IQCH: variants seen among roughly 807,000 people sequenced by gnomAD.
IQCH encodes IQ motif containing H.
A neutral mutation model predicts 117.0 loss-of-function variants in IQCH; 98 were observed. The ratio of observed to expected loss-of-function variants is 0.84; its 90% CI spans 0.71 to 0.99. The LOEUF is 0.99. Among genes scored for constraint, IQCH ranks in the 50% least tolerant of loss-of-function variants. The pLI, the probability that IQCH is intolerant of heterozygous loss-of-function variation, is 0.00. For missense variants in IQCH, 1,102 were observed against 1,243.8 expected (o/e 0.89, Z 1.72); for synonymous variants, 412 against 448.2 (o/e 0.92, Z 1.02).
chr15:67,492,756 C>T (rs191747470), intron 19 of IQCH, among the ~76,000 whole-genome samples: 1 of 152,156 alleles, frequency 6.6e-6, no homozygotes, highest in East Asian at 1.9e-4. Context: ...AGGCAGGGTT[C>T]CTGAAGTGTG....
At chr15:67,312,602 C>T (rs1160487862) in intron 4 of IQCH, among the ~76,000 whole-genome samples, 3 of 152,114 alleles carry the variant, frequency 2.0e-5, no homozygotes, top group Non-Finnish European at 4.4e-5. Context: ...ATTACATCTT[C>T]TTGAGTTAAA....
Position 67,391,136 on chromosome 15 carries a change from G to C in IQCH, c.1632+2130G>C, listed in dbSNP as rs574807992. On this transcript the variant is annotated intron_variant, in intron 12 of 20. Transcript: ENST00000335894. The surrounding 1 kb of genome is among the most constrained non-coding windows in gnomAD (Gnocchi z 4.3). The stretch of plus-strand genomic sequence containing the variant: ...TTGCTAGTCCACTCTGGCTTCTAGT[G>C]GACTAGAAGCCAGGAGACAGGCACT... 6.6e-6 allele frequency among the ~76,000 whole-genome samples: 1 copy of C among 152,038 alleles called. No homozygotes were observed. The highest frequency in any genetic ancestry group is 2.1e-4 in the South Asian group (1 of 4,822).
Position 67,395,594 on chromosome 15 carries a change from C to T in IQCH, c.1905+31C>T. The T allele has an allele frequency of 6.3e-7, 1 of 1,597,692 alleles. No individual in the cohort carries two copies. Among genetic ancestry groups the T allele is most frequent in the South Asian group, 1.1e-5 (1 of 89,468 alleles). On this transcript the variant is annotated intron_variant, in intron 13 of 20. Coordinates refer to ENST00000335894, the MANE Select transcript of IQCH (RefSeq NM_001031715.3). The surrounding 1 kb of genome is among the most constrained non-coding windows in gnomAD (Gnocchi z 4.0). ...TGGGGTGGACAAGTGAAGCTCTGTT[C>T]AAATATTTGAAACATCCTCTTGATC...
Position 67,483,031 on chromosome 15 carries a change from T to G in IQCH, c.2800-6972T>G, listed in dbSNP as rs2083380043. On this transcript the variant is annotated intron_variant, in intron 18 of 20. Transcript: ENST00000335894. The stretch of plus-strand genomic sequence containing the variant: ...TAAGCCTTTCATTTCTGTTGTTTCC[T>G]CTGGATAAGGGCTAAGAACACTCCT... 2.0e-5 allele frequency among the ~76,000 whole-genome samples: 3 copies of G among 152,216 alleles called. No homozygotes were observed. In the South Asian group the frequency reaches 6.2e-4, roughly 32 times the overall value.
intron 4 of IQCH, among the ~76,000 whole-genome samples, chr15:67,324,925 T>G (rs970830692): frequency 3.3e-5 from 5 of 152,080 alleles, no homozygotes; most frequent in Non-Finnish European, 7.4e-5. Flanking sequence ...GTTCATCGTA[T>G]GAGTTTCTAG....
intron 4 of IQCH, among the ~76,000 whole-genome samples, chr15:67,295,728 T>C (rs1009718596): frequency 1.3e-5 from 2 of 152,230 alleles, no homozygotes; most frequent in African/African-American, 4.8e-5. Flanking sequence ...CCTAACTAAA[T>C]GCATCAGTCT....
Position 67,387,751 on chromosome 15 carries a change from C to A in IQCH, c.1457-1080C>A, listed in dbSNP as rs1218311334. On this transcript the variant is annotated intron_variant, in intron 11 of 20. Coordinates refer to ENST00000335894, the MANE Select transcript of IQCH (RefSeq NM_001031715.3). The surrounding 1 kb of genome is among the most constrained non-coding windows in gnomAD (Gnocchi z 4.8). ...TTTAATAGTGTCTAAAACTCTATGC[C>A]CCAGGTGGTTTTGTTCCCCTTTTTA... Among the ~76,000 whole-genome samples, 5 of 152,100 alleles carry A rather than the reference C, an allele frequency of 3.3e-5. No individual in the cohort carries two copies. The highest frequency in any genetic ancestry group is 4.8e-5 in the African/African-American group (2 of 41,424).
In IQCH at chr15:67,472,898, C is replaced by T. The variant is rs1057348920; in HGVS notation, c.2677-2798C>T. Among the ~76,000 whole-genome samples, 3 of 152,188 alleles carry T rather than the reference C, an allele frequency of 2.0e-5. No individual in the cohort carries two copies. Among genetic ancestry groups the T allele is most frequent in the Admixed American group, 2.0e-4 (3 of 15,284 alleles). On this transcript the variant is annotated intron_variant, in intron 17 of 20. Transcript: ENST00000335894. The surrounding 1 kb of genome is among the most constrained non-coding windows in gnomAD (Gnocchi z 4.3). ...GTCTGGGAGGAAGGGGAGTTGCACT[C>T]TGCATCTGTAGTGAAGAAGAAACCT...
At chr15:67,488,376 G>A (rs1294079927) in intron 18 of IQCH, among the ~76,000 whole-genome samples, 1 of 152,158 alleles carries the variant, frequency 6.6e-6, no homozygotes, top group Non-Finnish European at 1.5e-5. Flanking sequence ...GGGTTCAAAA[G>A]AGAATCCCAA....
intron 4 of IQCH, among the ~76,000 whole-genome samples, chr15:67,291,403 C>A (rs1256453988): frequency 1.3e-5 from 2 of 152,036 alleles, no homozygotes; most frequent in Admixed American, 1.3e-4. Context: ...GGGACTTCAA[C>A]AGTCATCTAA....
intron 18 of IQCH, among the ~76,000 whole-genome samples, chr15:67,478,369 A>G (rs1306257581): frequency 6.6e-6 from 1 of 151,698 alleles, no homozygotes; most frequent in African/African-American, 2.4e-5. Flanking sequence ...TGGGCCACAG[A>G]GCGAGACTCT....
chr15:67,486,100 G>A (rs1275793583), intron 18 of IQCH, among the ~76,000 whole-genome samples: 4 of 131,450 alleles, frequency 3.0e-5, no homozygotes, highest in East Asian at 2.2e-4. Context: ...GCGTGATCTC[G>A]GCTCACTGCA....
At chr15:67,477,191 C>T (rs1442846769) in intron 18 of IQCH, among the ~76,000 whole-genome samples, 2 of 151,694 alleles carry the variant, frequency 1.3e-5, no homozygotes, top group Non-Finnish European at 2.9e-5. Context: ...GCTGCGATTA[C>T]GGGCACGTGC....
intron 3 of IQCH, among the ~76,000 whole-genome samples, chr15:67,266,962 C>G (rs531508682): frequency 6.6e-6 from 1 of 152,262 alleles, no homozygotes; most frequent in African/African-American, 2.4e-5. Flanking sequence ...TTTTTTCAGT[C>G]TTAGCACACT....
At chr15:67,360,598 T>TTA (rs1353469021) in intron 8 of IQCH, among the ~76,000 whole-genome samples, 1 of 152,236 alleles carries the variant, frequency 6.6e-6, no homozygotes, top group African/African-American at 2.4e-5. Flanking sequence ...ATCAGATGCA[T>TTA]TAATGTGTGT....
At chr15:67,358,182 TAACCATCATGAGGCACTTTCTTTTC>T (rs1596252160) in intron 7 of IQCH, among the ~76,000 whole-genome samples, 12 of 119,120 alleles carry the variant, frequency 1.0e-4, no homozygotes, top group South Asian at 3.0e-4. Context: ...TTTTCTTTTT[TAACCATCATGAGGCACTTTCTTTTC>T]TTTTTTTTTT....
In IQCH at chr15:67,372,402, C is replaced by G. The variant is rs1385223774; in HGVS notation, c.1045C>G (p.Pro349Ala). The change falls in exon 9 of 21, where the codon CCA becomes GCA. Residue 349 changes from proline (P) to alanine (A), a missense_variant. By Grantham distance (27) the Pro-to-Ala change is conservative. This residue lies in a region of IQCH where 452 missense variants were observed against 449.6 expected (regional missense o/e 1.01). Transcript: ENST00000335894. ...TGACCTTCTCTCAGTGTTAGAGGAC[C>G]CAGCTCATGTCCAAATGCTGATAAA... ...RYDLLSVLEDPAHVQMLINLP... is the reference protein window; with the variant it reads ...RYDLLSVLEDAAHVQMLINLP... 3 of 1,614,030 alleles carry G rather than the reference C, an allele frequency of 1.9e-6. No individual in the cohort carries two copies. The highest frequency in any genetic ancestry group is 2.5e-6 in the Non-Finnish European group (3 of 1,179,970).
intron 4 of IQCH, among the ~76,000 whole-genome samples, chr15:67,282,590 A>T (rs955996366): frequency 2.0e-5 from 3 of 152,190 alleles, no homozygotes; most frequent in Non-Finnish European, 2.9e-5. Context: ...CCTCTGACAC[A>T]AAAGATAGCC....
In IQCH at chr15:67,372,313, TAAAAG is replaced by T. The variant is rs1268748608; in HGVS notation, c.957_961del (p.Ile319MetfsTer3). ...AACTATGCTATACCAGAAGTCAAAATAAAAGGGAATAATTTGGTGGCCCTCCTTCC... is the reference window on the plus strand; with the variant it reads ...AACTATGCTATACCAGAAGTCAAAATGGAATAATTTGGTGGCCCTCCTTCC... On this transcript the variant is annotated frameshift_variant, in exon 9 of 21. Coordinates refer to ENST00000335894, the MANE Select transcript of IQCH (RefSeq NM_001031715.3). LOFTEE classifies it high-confidence loss of function. 1.9e-6 allele frequency: 3 copies of T among 1,613,904 alleles called. No individual in the cohort carries two copies. Among genetic ancestry groups the T allele is most frequent in the Non-Finnish European group, 1.7e-6 (2 of 1,180,016 alleles).
Sources: gnomAD v4.1 joint callset for allele counts (sites outside exome capture counted in the v4.1 genomes callset) on GRCh38, gnomAD v4.1.1 for gene constraint, gnomAD v4.1.1 regional missense constraint, Gnocchi (gnomAD v3.1) non-coding constraint, MANE v1.5 for transcripts, NCBI Gene and HGNC (gene_info 2026-07-23, HGNC 2026-07-21) for gene names.